ADAMTSL4: variants seen among roughly 807,000 people sequenced by gnomAD.
The protein encoded by ADAMTSL4 is ADAMTS-like protein 4.
In ADAMTSL4, 97 loss-of-function variants were observed where a neutral mutation model predicts 122.8. The observed-to-expected ratio is 0.79, with a 90% CI of 0.67 to 0.93. The LOEUF (loss-of-function observed/expected upper bound fraction) is 0.93, where lower values mean the gene tolerates loss of function less well. Ranked by LOEUF, ADAMTSL4 falls within the 40% of genes least tolerant of loss-of-function variation. The pLI, the probability that ADAMTSL4 is intolerant of heterozygous loss-of-function variation, is 0.00. For synonymous variants in ADAMTSL4, 592 were observed against 568.0 expected (o/e 1.04, Z -0.60); for missense variants, 1,408 against 1,453.5 (o/e 0.97, Z 0.51).
In ADAMTSL4 at chr1:150,559,295, C is replaced by T. The variant is rs765545128; in HGVS notation, c.2772C>T (p.Ser924=). The change falls in exon 17 of 19, where the codon TCC becomes TCT. Residue 924 remains serine, a synonymous_variant. Transcript: ENST00000271643. The surrounding 1 kb of genome is among the most constrained non-coding windows in gnomAD (Gnocchi z 4.1). The part of the protein sequence containing the change: ...WYTGPWGECS[S]ECGSGTQRRD... The stretch of plus-strand genomic sequence containing the variant: ...CCCTCCCCCTACACTAGTGCTCCTC[C>T]GAATGTGGCTCTGGCACACAGCGTA... The T allele has an allele frequency of 1.4e-5, 22 of 1,613,940 alleles. No homozygotes were observed. Among genetic ancestry groups the T allele is most frequent in the Middle Eastern group, 1.6e-4 (1 of 6,084 alleles).
At position 150,552,497 on chromosome 1, in the gene ADAMTSL4, C is replaced by G. The variant is rs371110160; in HGVS notation, c.21-46C>G. ...GGCGGAGGGCAGTGTTGCAACACCC[C>G]CTCTGGCTCCAGTCTGACGTCCCTC... On this transcript the variant is annotated intron_variant, in intron 3 of 18. Transcript: ENST00000271643. This position sits in a 1 kb window ranked among gnomAD's most constrained non-coding sequence, Gnocchi z 4.0. 1.4e-5 allele frequency: 23 copies of G among 1,612,852 alleles called. No individual in the cohort carries two copies. The highest frequency in any genetic ancestry group is 5.3e-5 in the African/African-American group (4 of 74,866).
At position 150,556,158 on chromosome 1, in the gene ADAMTSL4, C is replaced by T; in HGVS notation, c.1372-4C>T. 2 of 1,613,952 alleles carry T rather than the reference C, an allele frequency of 1.2e-6. No homozygotes were observed. Among genetic ancestry groups the T allele is most frequent in the Non-Finnish European group, 1.7e-6 (2 of 1,179,954 alleles). On this transcript the variant is annotated splice_region_variant and splice_polypyrimidine_tract_variant and intron_variant, in intron 8 of 18. Coordinates refer to ENST00000271643, the MANE Select transcript of ADAMTSL4 (RefSeq NM_019032.6). The surrounding 1 kb of genome is among the most constrained non-coding windows in gnomAD (Gnocchi z 4.1). The stretch of plus-strand genomic sequence containing the variant: ...TGGCCACTGCCTCACCTCACTCTCT[C>T]CAGAGCCCCGGCTGTGATGGGATCC...
chr1:150,550,685 C>A, intron 2 of ADAMTSL4: 1 of 452,032 alleles, frequency 2.2e-6, no homozygotes. Context: ...GAGATCCTGG[C>A]CTCCCCCGTT....
Position 150,558,609 on chromosome 1 carries a change from C to T in ADAMTSL4, c.2519C>T (p.Pro840Leu). Residue 840 changes from proline to leucine, a missense_variant, in exon 15 of 19, where the codon CCC (proline) becomes CTC (leucine). By Grantham distance (98) the Pro-to-Leu change is moderately conservative. Transcript: ENST00000271643. The part of the protein sequence containing the change: ...PPSREACDMG[P>L]CTTAWFHSDW... The stretch of plus-strand genomic sequence containing the variant: ...AGCAGAGAGGCCTGTGACATGGGGC[C>T]CTGTACTACTGCCTGGTTCCACAGC... 1 of 1,613,864 alleles carries T rather than the reference C, an allele frequency of 6.2e-7. No individual in the cohort carries two copies. The highest frequency in any genetic ancestry group is 8.5e-7 in the Non-Finnish European group (1 of 1,179,920).
chr1:150,550,722 G>A (rs759925300), intron 2 of ADAMTSL4: 1 of 456,468 alleles, frequency 2.2e-6, no homozygotes, highest in South Asian at 1.5e-5. Context: ...GCTGACCTTA[G>A]TGGCCGGCCC....
rs1472959985 is a variant in ADAMTSL4 at position 150,559,027 on chromosome 1, CCTCGGG to C, written c.2627_2632del (p.Leu876_Gly877del). 1 of 1,612,008 alleles carries C rather than the reference CCTCGGG, an allele frequency of 6.2e-7. No homozygotes were observed. The highest frequency in any genetic ancestry group is 2.2e-5 in the East Asian group (1 of 44,874). On this transcript the variant is annotated inframe_deletion, in exon 16 of 19. Transcript: ENST00000271643. The surrounding 1 kb of genome is among the most constrained non-coding windows in gnomAD (Gnocchi z 4.1). ...TGGTCTGCCTTGGGAGTGGGGCAGC[CCTCGGG>C]CCAGGCCAGGGGGAAGCAGGAGCAG...
In ADAMTSL4 at chr1:150,559,073, T is replaced by C. The variant is rs746315785; in HGVS notation, c.2671T>C (p.Cys891Arg). 2.2e-5 allele frequency: 35 copies of C among 1,612,618 alleles called. No individual in the cohort carries two copies. The highest frequency in any genetic ancestry group is 2.9e-5 in the Non-Finnish European group (34 of 1,179,944). Residue 891 changes from cysteine to arginine, a missense_variant, in exon 16 of 19, where the codon TGT (cysteine) becomes CGT (arginine). Transcript: ENST00000271643. This position sits in a 1 kb window ranked among gnomAD's most constrained non-coding sequence, Gnocchi z 4.1. The part of the protein sequence containing the change: ...GEAGAGTGQS[C>R]PTGSRPPDMR... ...AGCAGGAGCAGGAACTGGGCAGAGC[T>C]GTCCAACAGGAAGCCGGCCCCCTGA...
chr1:150,550,384 C>G (rs1560281244), intron 2 of ADAMTSL4: 3 of 447,876 alleles, frequency 6.7e-6, no homozygotes, highest in Non-Finnish European at 9.0e-6. Flanking sequence ...GGAGCCAGGC[C>G]TGGCCCGGGC....
Position 150,559,496 on chromosome 1 carries a change from G to A in ADAMTSL4, c.2943+30G>A. ...GTGTCTGGCTGCGCTGTCCTGCCCTGCTCAGCCTGGGCCCCTAGGGGAGGG... is the reference window on the plus strand; with the variant it reads ...GTGTCTGGCTGCGCTGTCCTGCCCTACTCAGCCTGGGCCCCTAGGGGAGGG... On this transcript the variant is annotated intron_variant, in intron 17 of 18. Transcript: ENST00000271643. This position sits in a 1 kb window ranked among gnomAD's most constrained non-coding sequence, Gnocchi z 4.1. 6.2e-7 allele frequency: 1 copy of A among 1,611,534 alleles called. No homozygotes were observed. Among genetic ancestry groups the A allele is most frequent in the East Asian group, 2.2e-5 (1 of 44,876 alleles).
At chr1:150,550,423 C>G (rs1414019320) in intron 2 of ADAMTSL4, 1 of 427,014 alleles carries the variant, frequency 2.3e-6, no homozygotes, top group East Asian at 7.0e-5. Context: ...CCCCACCCCT[C>G]ACTTCTCCAG....
At position 150,552,182 on chromosome 1, in the gene ADAMTSL4, C is replaced by A; in HGVS notation, c.-84-23C>A. 2 of 1,229,982 alleles carry A rather than the reference C, an allele frequency of 1.6e-6. No individual in the cohort carries two copies. The highest frequency in any genetic ancestry group is 1.4e-5 in the South Asian group (1 of 71,572). 76.2% of individuals were successfully genotyped at this position (1,229,982 alleles called of 1,614,324 possible). A position where few individuals can be genotyped will look rare whatever the true frequency, so the allele number is the denominator to read the frequency against. On this transcript the variant is annotated intron_variant, in intron 2 of 18. Coordinates refer to ENST00000271643, the MANE Select transcript of ADAMTSL4 (RefSeq NM_019032.6). This position sits in a 1 kb window ranked among gnomAD's most constrained non-coding sequence, Gnocchi z 4.0. ...AGCTCTCTGGACACTGGAGAGGTAA[C>A]CACCAGGCTTCTGTCCCTGCAGAGA...
At position 150,558,018 on chromosome 1, in the gene ADAMTSL4, C is replaced by T. The variant is rs371399521; in HGVS notation, c.2251C>T (p.Arg751Trp). The T allele has an allele frequency of 8.0e-5, 129 of 1,612,658 alleles. 1 individual carries two copies. Among genetic ancestry groups the T allele is most frequent in the East Asian group, 2.2e-4 (10 of 44,866 alleles). ...CACCCAGCACCGCCAGCTGCAGTGC[C>T]GGCAGGAATTTGGGGGGGGTGGCTC... ...PGTQHRQLQCRQEFGGGGSSV... is the reference protein window; with the variant it reads ...PGTQHRQLQCWQEFGGGGSSV... The change falls in exon 14 of 19, where the codon CGG becomes TGG. Residue 751 changes from arginine (R) to tryptophan (W), a missense_variant. Physicochemically the swap from Arg to Trp is moderately radical, Grantham distance 101. Coordinates refer to ENST00000271643, the MANE Select transcript of ADAMTSL4 (RefSeq NM_019032.6).
chr1:150,557,905 C>T, intron 13 of ADAMTSL4, 40 bp from the exon 14 acceptor site: 1 of 1,586,410 alleles, frequency 6.3e-7, no homozygotes. Context: ...CACATCTCAT[C>T]TATGTCTCCG....
chr1:150,556,514 G>T lies in ADAMTSL4; in HGVS notation c.1577-107G>T, dbSNP rs79229388. Reference sequence around the variant, plus strand: ...GAGTGAGGAAGCTGAGAGGGCTTGGGGGGATCTTAGGTTCTGGTGGGAGCT... The same window carrying T: ...GAGTGAGGAAGCTGAGAGGGCTTGGTGGGATCTTAGGTTCTGGTGGGAGCT... On this transcript the variant is annotated intron_variant, in intron 9 of 18. Coordinates refer to ENST00000271643, the MANE Select transcript of ADAMTSL4 (RefSeq NM_019032.6). The surrounding 1 kb of genome is among the most constrained non-coding windows in gnomAD (Gnocchi z 4.1). 8 of 1,576,644 alleles carry T rather than the reference G, an allele frequency of 5.1e-6. No individual in the cohort carries two copies. Among genetic ancestry groups the T allele is most frequent in the Middle Eastern group, 3.3e-4 (2 of 6,020 alleles).
At chr1:150,555,600 T>C in intron 8 of ADAMTSL4, 35 bp downstream of exon 8, 1 of 1,571,328 alleles carries the variant, frequency 6.4e-7, no homozygotes, top group South Asian at 1.1e-5. Context: ...CACACACACA[T>C]GCATATGCAC....
chr1:150,556,962 A>G lies in ADAMTSL4; in HGVS notation c.1773A>G (p.Pro591=). The change falls in exon 11 of 19, where the codon CCA becomes CCG. Residue 591 remains proline, a synonymous_variant. Transcript: ENST00000271643. This position sits in a 1 kb window ranked among gnomAD's most constrained non-coding sequence, Gnocchi z 4.1. ...AGATGATCTTTCAGGAGGAAAACCCAGGCGTTTTTTATCAGTATGTCATCT... is the reference window on the plus strand; with the variant it reads ...AGATGATCTTTCAGGAGGAAAACCCGGGCGTTTTTTATCAGTATGTCATCT... The part of the protein sequence containing the change: ...DVYMIFQEEN[P]GVFYQYVISS... 6.2e-7 allele frequency: 1 copy of G among 1,614,074 alleles called. No homozygotes were observed. Among genetic ancestry groups the G allele is most frequent in the Non-Finnish European group, 8.5e-7 (1 of 1,179,976 alleles).
intron 13 of ADAMTSL4, 140 bp from the exon 14 acceptor site, chr1:150,557,805 A>AGAGGCCTGTGACATGGGGCCCTGTACT: frequency 7.7e-7 from 1 of 1,299,496 alleles, no homozygotes; most frequent in Non-Finnish European, 1.1e-6. Context: ...GCCCCCCAGG[A>AGAGGCCTGTGACATGGGGCCCTGTACT]ACCCAGACTC....
chr1:150,550,231 C>T, intron 2 of ADAMTSL4: 1 of 456,688 alleles, frequency 2.2e-6, no homozygotes, highest in Non-Finnish European at 4.4e-6. Flanking sequence ...CTCTCCTTTC[C>T]TCGTCCTGGG....
rs1375092804 is a variant in ADAMTSL4, at chr1:150,557,966, A to G, written c.2199A>G (p.Thr733=). The G allele has an allele frequency of 1.9e-6, 3 of 1,609,172 alleles. No individual in the cohort carries two copies. Among genetic ancestry groups the G allele is most frequent in the Non-Finnish European group, 2.5e-6 (3 of 1,179,732 alleles). Residue 733 remains threonine, a synonymous_variant, in exon 14 of 19, where the codon ACA becomes ACG. Transcript: ENST00000271643. ...CPPYWEAGEW[T]SCSRSCGPGT... is the part of the protein sequence containing the mutation. ...GCAGCTGGGAGGCTGGCGAGTGGAC[A>G]TCCTGCAGCCGCTCCTGTGGCCCCG...
Sources: gnomAD v4.1 joint callset for allele counts on GRCh38, gnomAD v4.1.1 for gene constraint, Gnocchi (gnomAD v3.1) non-coding constraint, MANE v1.5 for transcripts, NCBI Gene and HGNC (gene_info 2026-07-23, HGNC 2026-07-21) for gene names.